Variants in KIF5B observed in about 807,000 individuals in gnomAD.
KIF5B encodes the protein kinesin-1 heavy chain.
Under a neutral mutation model 132.8 loss-of-function variants are expected in KIF5B, and 49 were observed. That is an observed-to-expected ratio of 0.37 (90% CI 0.29 to 0.47). KIF5B has a LOEUF of 0.47. Among genes scored for constraint, KIF5B ranks in the 20% least tolerant of loss-of-function variants. The pLI, the probability that KIF5B is intolerant of heterozygous loss-of-function variation, is 1.00. For synonymous variants in KIF5B, 355 were observed against 369.4 expected (o/e 0.96, Z 0.45); for missense variants, 780 against 1,144.0 (o/e 0.68, Z 4.59).
chr10:32,039,325 A>C lies in KIF5B; in HGVS notation c.393+2T>G. ...AATATAATCTTTCCTCAAGGAATTT[A>C]CCTTAATATGAAATTCCAAATTTTC... is the stretch of plus-strand genomic sequence containing the variant. On this transcript the variant is annotated splice_donor_variant, in intron 4 of 25. Coordinates refer to ENST00000302418, the MANE Select transcript of KIF5B (RefSeq NM_004521.3). LOFTEE classifies it high-confidence loss of function. 1.0e-6 allele frequency: 1 copy of C among 967,100 alleles called. No individual in the cohort carries two copies. Among genetic ancestry groups the C allele is most frequent in the Non-Finnish European group, 1.6e-6 (1 of 625,936 alleles). The allele number at this position is 967,100 out of a possible 1,614,324, so 59.9% of individuals were successfully genotyped here. A position where few individuals can be genotyped will look rare whatever the true frequency, so the allele number is the denominator to read the frequency against.
intron 15 of KIF5B, among the ~76,000 whole-genome samples, chr10:32,026,925 C>A (rs1473414236): frequency 6.6e-6 from 1 of 152,146 alleles, no homozygotes; most frequent in East Asian, 1.9e-4. Flanking sequence ...AGTGAGTCCA[C>A]TGAAGAAATA....
intron 1 of KIF5B, among the ~76,000 whole-genome samples, chr10:32,052,244 T>C (rs1274359826): frequency 6.6e-6 from 1 of 152,192 alleles, no homozygotes; most frequent in Non-Finnish European, 1.5e-5. Flanking sequence ...TAGATTTTCC[T>C]TAGTTAAACA....
intron 20 of KIF5B, among the ~76,000 whole-genome samples, chr10:32,019,610 A>G (rs1192391406): frequency 6.6e-6 from 1 of 152,240 alleles, no homozygotes; most frequent in Non-Finnish European, 1.5e-5. Context: ...ATAAAGAAAC[A>G]GCAAGCAGAT....
intron 2 of KIF5B, among the ~76,000 whole-genome samples, chr10:32,042,874 T>C (rs963116722): frequency 3.9e-5 from 6 of 152,184 alleles, no homozygotes; most frequent in African/African-American, 1.4e-4. Flanking sequence ...CTCTGAGAAT[T>C]AGAAGTCATC....
Position 32,031,068 on chromosome 10 carries a change from C to T in KIF5B, c.1581+5G>A. On this transcript the variant is annotated splice_donor_5th_base_variant and intron_variant, in intron 14 of 25. Coordinates refer to ENST00000302418, the MANE Select transcript of KIF5B (RefSeq NM_004521.3). ...ATTAAAAAAGAAAATAAAACTATAT[C>T]CTACCGATTTCTGATTCAATTCATC... 6.3e-7 allele frequency: 1 copy of T among 1,597,754 alleles called. No individual in the cohort carries two copies. The highest frequency in any genetic ancestry group is 8.6e-7 in the Non-Finnish European group (1 of 1,166,654).
chr10:32,045,853 T>C (rs1200910879), intron 2 of KIF5B, among the ~76,000 whole-genome samples: 1 of 152,172 alleles, frequency 6.6e-6, no homozygotes, highest in Non-Finnish European at 1.5e-5. Context: ...GCCAATCGTA[T>C]AGGTAAGAGG....
At chr10:32,043,161 G>A (rs1841563749) in intron 2 of KIF5B, among the ~76,000 whole-genome samples, 1 of 152,024 alleles carries the variant, frequency 6.6e-6, no homozygotes, top group Non-Finnish European at 1.5e-5. Context: ...GTGCTACCAT[G>A]CCCGGCTAAT....
At chr10:32,014,936 A>T (rs1055045067) in intron 25 of KIF5B, among the ~76,000 whole-genome samples, 2 of 152,130 alleles carry the variant, frequency 1.3e-5, no homozygotes, top group African/African-American at 2.4e-5. Flanking sequence ...CAGCCTGACC[A>T]ACATGGTGAA....
In KIF5B at chr10:32,055,978, C is replaced by T. The variant is rs1374696567; in HGVS notation, c.-5G>A. On this transcript the variant is annotated 5_prime_UTR_variant, in exon 1 of 26. Transcript: ENST00000302418. ...GCACTCGGCCAGGTCCGCCATCTTT[C>T]TCGCAGCCGGGGCCGGCGGCCGGGA... 1.2e-6 allele frequency: 2 copies of T among 1,603,914 alleles called. No homozygotes were observed. The highest frequency in any genetic ancestry group is 2.7e-5 in the African/African-American group (2 of 75,042).
intron 25 of KIF5B, among the ~76,000 whole-genome samples, chr10:32,011,852 C>T (rs951535217): frequency 1.3e-5 from 2 of 151,678 alleles, no homozygotes; most frequent in Admixed American, 6.6e-5. Context: ...AATCTTTTAA[C>T]CAGCAGACAG....
chr10:32,015,675 A>C lies in KIF5B; in HGVS notation c.2762-16T>G, dbSNP rs199676662. The C allele has an allele frequency of 6.9e-6, 11 of 1,596,374 alleles. 1 individual carries two copies. Among genetic ancestry groups the C allele is most frequent in the South Asian group, 3.4e-5 (3 of 88,688 alleles). On this transcript the variant is annotated splice_polypyrimidine_tract_variant and intron_variant, in intron 24 of 25. Transcript: ENST00000302418. ...ATAGGTTTAGCTAATATGAAAAATA[A>C]AGACAGACTTTAGAATAAAGTTTAA...
rs1161941407 is a variant in KIF5B at position 32,034,031 on chromosome 10, C to T, written c.1119G>A (p.Thr373=). ...TGTCAAACTGTTCATCAATAGGCAC[C>T]GTCTCCCCTAAAATAAGAAAATAAA... ...NELNRWRNGE[T]VPIDEQFDKE... Residue 373 remains threonine (T), a synonymous_variant, in exon 12 of 26, where the codon ACG becomes ACA. Transcript: ENST00000302418. 3 of 1,553,934 alleles carry T rather than the reference C, an allele frequency of 1.9e-6. No individual in the cohort carries two copies. Among genetic ancestry groups the T allele is most frequent in the East Asian group, 2.4e-5 (1 of 42,374 alleles).
chr10:32,022,997 C>T lies in KIF5B; in HGVS notation c.1765G>A (p.Val589Ile). The T allele has an allele frequency of 1.9e-6, 3 of 1,610,094 alleles. No individual in the cohort carries two copies. The highest frequency in any genetic ancestry group is 2.5e-6 in the Non-Finnish European group (3 of 1,177,606). ...GTGMIDEEFT[V>I]ARLYISKMKS... ...ATTTTGCTAATGTAGAGTCTTGCAA[C>T]AGTGAACTCTTCATCTATCATGCCA... The change falls in exon 16 of 26, where the codon GTT (valine) becomes ATT (isoleucine). Residue 589 changes from valine (V) to isoleucine (I), a missense_variant. Val to Ile is a conservative substitution (Grantham distance 29, BLOSUM62 3). Coordinates refer to ENST00000302418, the MANE Select transcript of KIF5B (RefSeq NM_004521.3).
intron 2 of KIF5B, among the ~76,000 whole-genome samples, chr10:32,043,925 G>T (rs886213438): frequency 5.3e-5 from 8 of 152,024 alleles, no homozygotes; most frequent in Admixed American, 3.9e-4. Context: ...GCTGATCTTT[G>T]CCTACCAACA....
intron 1 of KIF5B, 133 bp from the exon 2 acceptor site, chr10:32,048,684 A>C: frequency 1.7e-6 from 1 of 585,810 alleles, no homozygotes; most frequent in Non-Finnish European, 3.0e-6. Flanking sequence ...GGTATCATTG[A>C]ATCTTTGAAG....
At position 32,009,905 on chromosome 10, in the gene KIF5B, T is replaced by C. The variant is rs1263739010; in HGVS notation, c.*1632A>G. 3 of 152,064 alleles carry C rather than the reference T, an allele frequency of 2.0e-5. No individual in the cohort carries two copies. Among genetic ancestry groups the C allele is most frequent in the South Asian group, 2.1e-4 (1 of 4,828 alleles). The allele number at this position is 152,064 out of a possible 1,614,324, so 9.4% of individuals were successfully genotyped here. On this transcript the variant is annotated 3_prime_UTR_variant, in exon 26 of 26. Transcript: ENST00000302418. Reference sequence around the variant, plus strand: ...AAAAGCAACACAATCATTTTAGAGGTTGCAGACTACAACAGCAAAGATTTT... The same window carrying C: ...AAAAGCAACACAATCATTTTAGAGGCTGCAGACTACAACAGCAAAGATTTT...
intron 2 of KIF5B, among the ~76,000 whole-genome samples, chr10:32,045,608 T>C (rs1289048626): frequency 2.0e-5 from 3 of 152,152 alleles, no homozygotes; most frequent in Non-Finnish European, 4.4e-5. Context: ...ACAAAGGTAA[T>C]AGAAGACACT....
chr10:32,034,437 T>C (rs780494983), intron 11 of KIF5B, among the ~76,000 whole-genome samples: 17 of 152,324 alleles, frequency 1.1e-4, no homozygotes, highest in Non-Finnish European at 1.9e-4. Flanking sequence ...TTTTCTTCTC[T>C]GTGTTATTTT....
intron 8 of KIF5B, among the ~76,000 whole-genome samples, chr10:32,036,497 G>A (rs1045327340): frequency 3.3e-5 from 5 of 151,792 alleles, no homozygotes; most frequent in African/African-American, 1.2e-4. Context: ...CCAGCTCACT[G>A]CAACCTCCGC....
Sources: allele counts gnomAD v4.1 joint callset (sites outside exome capture counted in the v4.1 genomes callset), GRCh38; gene constraint gnomAD v4.1.1; transcripts MANE v1.5; gene names NCBI Gene and HGNC (gene_info 2026-07-23, HGNC 2026-07-21).